EIF4ENIF1: variants seen among roughly 807,000 people sequenced by gnomAD.
EIF4ENIF1 encodes eukaryotic translation initiation factor 4E nuclear import factor 1, also known as eukaryotic translation initiation factor 4E transporter.
Under a neutral mutation model 110.5 loss-of-function variants are expected in EIF4ENIF1, and 23 were observed. The ratio of observed to expected loss-of-function variants is 0.21; its 90% CI spans 0.15 to 0.29. The LOEUF (loss-of-function observed/expected upper bound fraction) is 0.29, where lower values mean the gene tolerates loss of function less well. Ranked by LOEUF, EIF4ENIF1 falls within the 10% of genes least tolerant of loss-of-function variation. The probability of loss-of-function intolerance (pLI) is 1.00; values close to 1 mark genes in which losing one functional copy is unlikely to be tolerated. For synonymous variants in EIF4ENIF1, 440 were observed against 437.0 expected, an observed-to-expected ratio of 1.01 and a Z score of -0.09; for missense variants, 1,031 against 1,221.1, an observed-to-expected ratio of 0.84 and a Z score of 2.32.
intron 2 of EIF4ENIF1, among the ~76,000 whole-genome samples, chr22:31,482,023 T>G (rs900313631): frequency 1.3e-5 from 2 of 151,712 alleles, no homozygotes; most frequent in African/African-American, 4.8e-5. Flanking sequence ...ATGAAAAAAT[T>G]AGCCATGTGT....
rs533735180 is a variant in EIF4ENIF1 at position 31,477,276 on chromosome 22, G to A, written c.97-5359C>T. Among the ~76,000 whole-genome samples, 12 of 140,370 alleles carry A rather than the reference G, an allele frequency of 8.5e-5. No individual in the cohort carries two copies. The South Asian group carries it at 2.9e-3, about 33-fold the overall frequency. 92.1% of individuals were successfully genotyped at this position (140,370 alleles called of 152,430 possible). A position where few individuals can be genotyped will look rare whatever the true frequency, so the allele number is the denominator to read the frequency against. ...CCTCACTTGAGAGGCCGAAGCAGGAGAAATTGGTTGAATTCAGGAGGTGGA... is the reference window on the plus strand; with the variant it reads ...CCTCACTTGAGAGGCCGAAGCAGGAAAAATTGGTTGAATTCAGGAGGTGGA... On this transcript the variant is annotated intron_variant, in intron 2 of 18. Coordinates refer to ENST00000330125, the MANE Select transcript of EIF4ENIF1 (RefSeq NM_019843.4).
chr22:31,444,407 A>G, intron 15 of EIF4ENIF1, 199 bp downstream of exon 15: 1 of 547,578 alleles, frequency 1.8e-6, no homozygotes, highest in Non-Finnish European at 3.3e-6. Context: ...TTTCCCCAAT[A>G]TAGGGGCTTC....
intron 2 of EIF4ENIF1, among the ~76,000 whole-genome samples, chr22:31,477,127 A>C (rs548957832): frequency 1.3e-5 from 2 of 151,948 alleles, no homozygotes; most frequent in African/African-American, 4.8e-5. Context: ...TCAAAAAAAA[A>C]AGAGGCCGGA....
intron 11 of EIF4ENIF1, 64 bp downstream of exon 11, chr22:31,450,225 G>C (rs902664063): frequency 7.2e-7 from 1 of 1,395,882 alleles, no homozygotes; most frequent in Non-Finnish European, 1.0e-6. Flanking sequence ...GGACCACTAA[G>C]CAAAACTGGT....
intron 14 of EIF4ENIF1, 146 bp from the exon 15 acceptor site, chr22:31,444,836 C>T (rs988725200): frequency 1.0e-5 from 7 of 695,384 alleles, no homozygotes; most frequent in African/African-American, 5.3e-5. Context: ...GCCTAACATA[C>T]ACAAAAGCAC....
chr22:31,463,219 G>A lies in EIF4ENIF1; in HGVS notation c.586-86C>T, dbSNP rs921253071. On this transcript the variant is annotated intron_variant, in intron 5 of 18. Coordinates refer to ENST00000330125, the MANE Select transcript of EIF4ENIF1 (RefSeq NM_019843.4). ...AAGGTCTTCGTTGTAATGTTCAATA[G>A]TGAAAGGAAGATATGATGCTGTATA... is the stretch of plus-strand genomic sequence containing the variant. The A allele has an allele frequency of 5.5e-5, 71 of 1,302,574 alleles. No individual in the cohort carries two copies. In the African/African-American group the frequency reaches 9.7e-4, roughly 18 times the overall value. The allele number at this position is 1,302,574 out of a possible 1,614,324, so 80.7% of individuals were successfully genotyped here. A position where few individuals can be genotyped will look rare whatever the true frequency, so the allele number is the denominator to read the frequency against.
intron 6 of EIF4ENIF1, among the ~76,000 whole-genome samples, chr22:31,460,762 T>C (rs1365881549): frequency 1.3e-5 from 2 of 150,850 alleles, no homozygotes; most frequent in Non-Finnish European, 2.9e-5. Flanking sequence ...CTGGCTAACA[T>C]AGTGAAACCC....
intron 18 of EIF4ENIF1, 86 bp downstream of exon 18, chr22:31,440,618 A>C (rs2050261543): frequency 2.8e-6 from 4 of 1,444,536 alleles, no homozygotes; most frequent in Non-Finnish European, 3.8e-6. Context: ...TGAAAGTGTT[A>C]ATTCATCTCC....
At chr22:31,451,810 A>C (rs1427248687) in intron 10 of EIF4ENIF1, among the ~76,000 whole-genome samples, 1 of 152,040 alleles carries the variant, frequency 6.6e-6, no homozygotes, top group African/African-American at 2.4e-5. Flanking sequence ...CATTTTGTGC[A>C]TCCAACCTGG....
At chr22:31,485,149 T>G (rs1227470532) in intron 2 of EIF4ENIF1, among the ~76,000 whole-genome samples, 1 of 152,202 alleles carries the variant, frequency 6.6e-6, no homozygotes, top group African/African-American at 2.4e-5. Context: ...ATCCTAAAAT[T>G]GTCATTAACT....
chr22:31,449,219 A>G, intron 12 of EIF4ENIF1, 129 bp downstream of exon 12: 1 of 882,694 alleles, frequency 1.1e-6, no homozygotes, highest in Non-Finnish European at 1.7e-6. Context: ...CACGTTGGCC[A>G]GGCTGGTCTC....
At chr22:31,458,354 T>C in intron 7 of EIF4ENIF1, 121 bp downstream of exon 7, 1 of 773,982 alleles carries the variant, frequency 1.3e-6, no homozygotes, top group Non-Finnish European at 1.8e-6. Flanking sequence ...AAAATTTAAA[T>C]ATGTAAGAAT....
At chr22:31,486,541 G>A (rs1450529576) in intron 2 of EIF4ENIF1, among the ~76,000 whole-genome samples, 1 of 152,108 alleles carries the variant, frequency 6.6e-6, no homozygotes, top group East Asian at 1.9e-4. Context: ...CACTTTGGGA[G>A]GCTGAGGCAG....
intron 4 of EIF4ENIF1, among the ~76,000 whole-genome samples, chr22:31,464,759 A>G (rs943503958): frequency 2.7e-4 from 38 of 138,406 alleles, no homozygotes; most frequent in Admixed American, 8.9e-4. Context: ...TTCAAAATGG[A>G]TCACAGATCT....
chr22:31,450,795 T>TATACATACACATACATATACACAC (rs2050628815), intron 10 of EIF4ENIF1: 1 of 205,464 alleles, frequency 4.9e-6, no homozygotes, highest in Non-Finnish European at 9.8e-6. Flanking sequence ...CATATACACA[T>TATACATACACATACATATACACAC]ATACATACAC....
rs540299403 is a variant in EIF4ENIF1, at chr22:31,445,960, C to A, written c.1989-1270G>T. Among the ~76,000 whole-genome samples, 241 of 148,326 alleles carry A rather than the reference C, an allele frequency of 1.6e-3. 9 individuals carry two copies. Among genetic ancestry groups the A allele is most frequent in the South Asian group, 5.9e-3 (26 of 4,410 alleles). On this transcript the variant is annotated intron_variant, in intron 14 of 18. Coordinates refer to ENST00000330125, the MANE Select transcript of EIF4ENIF1 (RefSeq NM_019843.4). ...AAAATGCAGTTACGTACCGCCCCCC[C>A]CCCCCATCTACCTCACAGGGTTGAT...
At chr22:31,487,290 AAG>A (rs2146117455) in intron 2 of EIF4ENIF1, among the ~76,000 whole-genome samples, 2 of 152,326 alleles carry the variant, frequency 1.3e-5, no homozygotes, top group African/African-American at 4.8e-5. Context: ...AGATCATCCT[AAG>A]AGAGCAATCA....
intron 2 of EIF4ENIF1, among the ~76,000 whole-genome samples, chr22:31,481,989 A>G (rs2051832010): frequency 6.6e-6 from 1 of 151,594 alleles, no homozygotes; most frequent in Non-Finnish European, 1.5e-5. Context: ...GGGCAACATA[A>G]TGAGATCCTA....
At chr22:31,477,575 T>G (rs900695448) in intron 2 of EIF4ENIF1, among the ~76,000 whole-genome samples, 1 of 152,326 alleles carries the variant, frequency 6.6e-6, no homozygotes, top group South Asian at 2.1e-4. Context: ...ATGCTTAGCA[T>G]ACATAGGTGT....
Sources: allele counts gnomAD v4.1 joint callset (sites outside exome capture counted in the v4.1 genomes callset), GRCh38; gene constraint gnomAD v4.1.1; transcripts MANE v1.5; gene names NCBI Gene and HGNC (gene_info 2026-07-23, HGNC 2026-07-21).